The following PEBP4 variants were observed in gnomAD, a reference collection of about 807,000 sequenced individuals.
PEBP4 encodes phosphatidylethanolamine-binding protein 4.
Under a neutral mutation model 23.9 loss-of-function variants are expected in PEBP4, and 22 were observed. That is an observed-to-expected ratio of 0.92 (90% confidence interval 0.66 to 1.31). The LOEUF is 1.31. PEBP4 is among the 40% of genes most tolerant of loss of function. PEBP4 has a pLI of 0.00. For synonymous variants in PEBP4, 112 were observed against 99.3 expected (o/e 1.13, Z -0.76); for missense variants, 324 against 281.7 (o/e 1.15, Z -1.07).
At chr8:22,791,438 T>G (rs1040692951) in intron 4 of PEBP4, among the ~76,000 whole-genome samples, 5 of 152,214 alleles carry the variant, frequency 3.3e-5, no homozygotes, top group Non-Finnish European at 7.3e-5. Context: ...GCAAATTTAT[T>G]TGTGACACCA....
chr8:22,749,750 C>T (rs1805207231), intron 4 of PEBP4, among the ~76,000 whole-genome samples: 1 of 150,270 alleles, frequency 6.7e-6, no homozygotes. Context: ...TAGGACCAGT[C>T]ACGGGCAGCA....
At chr8:22,841,236 C>T (rs1807321541) in intron 3 of PEBP4, among the ~76,000 whole-genome samples, 1 of 152,258 alleles carries the variant, frequency 6.6e-6, no homozygotes, top group Non-Finnish European at 1.5e-5. Context: ...TGCGAAGCAG[C>T]GGCTCTTAGC....
chr8:22,723,837 C>T (rs1804568338), intron 6 of PEBP4, among the ~76,000 whole-genome samples: 1 of 152,200 alleles, frequency 6.6e-6, no homozygotes, highest in Non-Finnish European at 1.5e-5. Flanking sequence ...CTGAAGGGCC[C>T]TGTCGCTCAA....
chr8:22,898,199 T>C (rs1188449647), intron 3 of PEBP4, among the ~76,000 whole-genome samples: 1 of 151,566 alleles, frequency 6.6e-6, no homozygotes, highest in East Asian at 2.0e-4. Context: ...TGAGACCGGC[T>C]TGGCCAATAT....
intron 3 of PEBP4, among the ~76,000 whole-genome samples, chr8:22,845,401 G>A (rs1397620989): frequency 1.3e-5 from 2 of 152,060 alleles, no homozygotes; most frequent in Non-Finnish European, 2.9e-5. Context: ...TGGGTGTGGT[G>A]GTGTGTGCCT....
intron 1 of PEBP4, among the ~76,000 whole-genome samples, chr8:22,941,014 G>T (rs529252860): frequency 6.6e-6 from 1 of 152,124 alleles, no homozygotes; most frequent in Non-Finnish European, 1.5e-5. Flanking sequence ...GTGCCCCTCA[G>T]TTTGGGCCCT....
At chr8:22,898,431 A>AAAAAAAAAAC (rs1563253603) in intron 3 of PEBP4, among the ~76,000 whole-genome samples, 5 of 123,842 alleles carry the variant, frequency 4.0e-5, no homozygotes, top group African/African-American at 1.2e-4. Context: ...AAAAAAAAAA[A>AAAAAAAAAAC]CCCACCCAGT....
chr8:22,851,624 G>A (rs1049023013), intron 3 of PEBP4, among the ~76,000 whole-genome samples: 4 of 152,108 alleles, frequency 2.6e-5, no homozygotes, highest in African/African-American at 4.8e-5. Context: ...AGAGTTACTC[G>A]GGTCCTCACA....
At chr8:22,863,683 G>C (rs1185287622) in intron 3 of PEBP4, among the ~76,000 whole-genome samples, 2 of 152,116 alleles carry the variant, frequency 1.3e-5, no homozygotes, top group Non-Finnish European at 2.9e-5. Flanking sequence ...TGTGTGCGTC[G>C]TTGCTAGTTG....
intron 4 of PEBP4, among the ~76,000 whole-genome samples, chr8:22,735,518 G>C (rs1013429472): frequency 1.3e-5 from 2 of 152,234 alleles, no homozygotes. Context: ...CTCAAGAGAA[G>C]GCTAGAAATG....
intron 4 of PEBP4, 32 bp downstream of exon 4, chr8:22,817,605 A>C (rs777992557): frequency 6.3e-7 from 1 of 1,581,508 alleles, no homozygotes; most frequent in East Asian, 2.2e-5. Flanking sequence ...ACAACCCCAA[A>C]TGCGTCAGAG....
intron 4 of PEBP4, among the ~76,000 whole-genome samples, chr8:22,768,843 G>A (rs1468191891): frequency 6.6e-6 from 1 of 152,164 alleles, no homozygotes; most frequent in African/African-American, 2.4e-5. Context: ...GCAGATACGA[G>A]GCAGAAGGTT....
intron 3 of PEBP4, chr8:22,879,144 T>C (rs966083683): frequency 6.6e-6 from 1 of 152,318 alleles, no homozygotes; most frequent in Non-Finnish European, 1.5e-5. Flanking sequence ...ATATCCCCAG[T>C]GACGATGAAG....
chr8:22,846,250 C>G (rs901682188), intron 3 of PEBP4, among the ~76,000 whole-genome samples: 3 of 152,180 alleles, frequency 2.0e-5, no homozygotes, highest in African/African-American at 7.2e-5. Context: ...GGAGAAGCAA[C>G]AGCCTGGGGA....
At chr8:22,778,726 G>A (rs908270076) in intron 4 of PEBP4, among the ~76,000 whole-genome samples, 8 of 152,294 alleles carry the variant, frequency 5.3e-5, no homozygotes, top group East Asian at 1.9e-4. Flanking sequence ...GAAGGTTCTG[G>A]GCATGCTGTC....
intron 3 of PEBP4, among the ~76,000 whole-genome samples, chr8:22,820,373 G>A (rs897286583): frequency 2.0e-5 from 3 of 152,196 alleles, no homozygotes; most frequent in African/African-American, 7.2e-5. Context: ...GGTTTAACTT[G>A]AATGGGAACT....
At chr8:22,780,353 G>C (rs986132518) in intron 4 of PEBP4, among the ~76,000 whole-genome samples, 2 of 152,100 alleles carry the variant, frequency 1.3e-5, no homozygotes, top group African/African-American at 4.8e-5. Flanking sequence ...CAAGGCTGTT[G>C]TTTCTCGACC....
intron 1 of PEBP4, among the ~76,000 whole-genome samples, chr8:22,932,919 C>G (rs1809480315): frequency 6.6e-6 from 1 of 151,322 alleles, no homozygotes; most frequent in African/African-American, 2.4e-5. Context: ...GCAGAAGAAT[C>G]ACTTGAACCC....
intron 3 of PEBP4, among the ~76,000 whole-genome samples, chr8:22,915,959 T>C (rs776683560): frequency 1.4e-4 from 21 of 152,150 alleles, no homozygotes; most frequent in Admixed American, 4.6e-4. Context: ...AACTTGTGTC[T>C]CCACCATGGG....
Sources: gnomAD v4.1 joint callset for allele counts (sites outside exome capture counted in the v4.1 genomes callset) on GRCh38, gnomAD v4.1.1 for gene constraint, MANE v1.5 for transcripts, NCBI Gene and HGNC (gene_info 2026-07-23, HGNC 2026-07-21) for gene names.